The following CELF2 variants were observed in gnomAD, a reference collection of about 807,000 sequenced individuals.
CELF2 encodes CUGBP Elav-like family member 2.
A neutral mutation model predicts 62.6 loss-of-function variants in CELF2; 8 were observed. The ratio of observed to expected loss-of-function variants is 0.13; its 90% CI spans 0.07 to 0.23. The LOEUF is 0.23. Ranked by LOEUF, CELF2 falls within the 10% of genes least tolerant of loss-of-function variation. CELF2 has a pLI of 1.00. For synonymous variants in CELF2, 258 were observed against 250.0 expected (o/e 1.03, Z -0.30); for missense variants, 333 against 671.0 (o/e 0.50, Z 5.56).
At chr10:11,288,208 C>G (rs1191791118) in intron 8 of CELF2, among the ~76,000 whole-genome samples, 1 of 152,210 alleles carries the variant, frequency 6.6e-6, no homozygotes, top group African/African-American at 2.4e-5. Flanking sequence ...TATGTGGTCT[C>G]TAGGAAGAGC....
chr10:10,554,686 T>C, the CELF2 span, among the ~76,000 whole-genome samples: 1 of 152,168 alleles, frequency 6.6e-6, no homozygotes, highest in African/African-American at 2.4e-5. Flanking sequence ...GTTATCTCAC[T>C]CTACCCTATT....
intron 1 of CELF2, among the ~76,000 whole-genome samples, chr10:10,804,708 A>C (rs1309570197): frequency 9.9e-5 from 15 of 152,218 alleles, no homozygotes; most frequent in Non-Finnish European, 2.1e-4. Context: ...CCCATTAATG[A>C]AAACAGCACA....
the CELF2 span, among the ~76,000 whole-genome samples, chr10:10,641,815 C>T: frequency 6.6e-6 from 1 of 152,084 alleles, no homozygotes; most frequent in Admixed American, 6.6e-5. Context: ...TCATCTCACA[C>T]CCCATCATGT....
the CELF2 span, among the ~76,000 whole-genome samples, chr10:10,506,267 T>TGTGTGTGTGTGTGTG: frequency 1.0e-5 from 1 of 99,214 alleles, no homozygotes; most frequent in African/African-American, 3.4e-5. Context: ...TAAGATGCAC[T>TGTGTGTGTGTGTGTG]TCGTGTGTGT....
the CELF2 span, among the ~76,000 whole-genome samples, chr10:10,752,702 A>AG: frequency 6.8e-6 from 1 of 146,828 alleles, no homozygotes; most frequent in Non-Finnish European, 1.5e-5. Context: ...AAAAAAAAAA[A>AG]AAAAAGAAAG....
chr10:11,219,584 G>T (rs1453172733), intron 3 of CELF2, among the ~76,000 whole-genome samples: 1 of 152,188 alleles, frequency 6.6e-6, no homozygotes, highest in African/African-American at 2.4e-5. Flanking sequence ...AGCCTTTCCA[G>T]TGCACACACT....
chr10:10,495,610 T>G, the CELF2 span, among the ~76,000 whole-genome samples: 1 of 152,330 alleles, frequency 6.6e-6, no homozygotes, highest in South Asian at 2.1e-4. Context: ...GAATGCCTCT[T>G]GCTTTCTCCC....
intron 2 of CELF2, among the ~76,000 whole-genome samples, chr10:10,945,276 A>T (rs1318626724): frequency 1.3e-5 from 2 of 152,174 alleles, no homozygotes; most frequent in Non-Finnish European, 2.9e-5. Flanking sequence ...GGCTTCATGC[A>T]GTAGCCTTGG....
At chr10:11,265,494 GTC>G (rs941886805) in intron 5 of CELF2, among the ~76,000 whole-genome samples, 1 of 152,236 alleles carries the variant, frequency 6.6e-6, no homozygotes, top group African/African-American at 2.4e-5. Flanking sequence ...AGTGAAATAA[GTC>G]TGTGTTGCTT....
At chr10:10,945,434 G>C (rs1215698554) in intron 2 of CELF2, among the ~76,000 whole-genome samples, 11 of 152,180 alleles carry the variant, frequency 7.2e-5, no homozygotes, top group Admixed American at 7.2e-4. Context: ...CCCACCTGCG[G>C]CCTTCCACCC....
chr10:10,529,237 G>A, the CELF2 span, among the ~76,000 whole-genome samples: 2 of 152,182 alleles, frequency 1.3e-5, no homozygotes, highest in African/African-American at 4.8e-5. Flanking sequence ...TGGAGATTCT[G>A]TCACTCTTCC....
At chr10:10,841,301 T>C (rs1437763216) in intron 1 of CELF2, among the ~76,000 whole-genome samples, 1 of 151,864 alleles carries the variant, frequency 6.6e-6, no homozygotes, top group Non-Finnish European at 1.5e-5. Flanking sequence ...AAGGTCCAAA[T>C]TGTCAATTTT....
chr10:10,480,707 T>C, the CELF2 span, among the ~76,000 whole-genome samples: 1 of 152,204 alleles, frequency 6.6e-6, no homozygotes, highest in Non-Finnish European at 1.5e-5. Context: ...ATGTAACAAC[T>C]ACCTTTGAAA....
chr10:10,594,079 G>T, the CELF2 span, among the ~76,000 whole-genome samples: 1 of 152,200 alleles, frequency 6.6e-6, no homozygotes, highest in Admixed American at 6.5e-5. Context: ...GAGTACAAGT[G>T]AGAGATGATA....
chr10:11,092,938 A>C (rs949491174), intron 1 of CELF2, among the ~76,000 whole-genome samples: 1 of 152,206 alleles, frequency 6.6e-6, no homozygotes, highest in African/African-American at 2.4e-5. Context: ...TTGCAGCTCA[A>C]CTTTTCTTTG....
the CELF2 span, among the ~76,000 whole-genome samples, chr10:10,488,933 C>T: frequency 6.6e-6 from 1 of 152,084 alleles, no homozygotes; most frequent in Non-Finnish European, 1.5e-5. Context: ...CATGTCTGAA[C>T]ACCCTCCTCT....
chr10:10,791,171 A>C, the CELF2 span, among the ~76,000 whole-genome samples: 1 of 152,306 alleles, frequency 6.6e-6, no homozygotes, highest in South Asian at 2.1e-4. Flanking sequence ...GATCTAAAAA[A>C]ATGTTGATGT....
At chr10:10,853,164 A>G (rs1016051619) in intron 1 of CELF2, among the ~76,000 whole-genome samples, 2 of 152,092 alleles carry the variant, frequency 1.3e-5, no homozygotes, top group Admixed American at 6.6e-5. Context: ...TATTTTTATT[A>G]GAGATGGGGT....
the CELF2 span, among the ~76,000 whole-genome samples, chr10:10,514,558 G>A: frequency 2.0e-5 from 3 of 152,204 alleles, no homozygotes; most frequent in Non-Finnish European, 4.4e-5. Flanking sequence ...CCTGAGGGAG[G>A]GCTTTGAGCC....
Sources: gnomAD v4.1 joint callset for allele counts (sites outside exome capture counted in the v4.1 genomes callset) on GRCh38, gnomAD v4.1.1 for gene constraint, MANE v1.5 for transcripts, NCBI Gene and HGNC (gene_info 2026-07-23, HGNC 2026-07-21) for gene names.